The following THEMIS variants were observed in gnomAD, a reference collection of about 807,000 sequenced individuals.
THEMIS encodes thymocyte selection associated.
Under a neutral mutation model 52.6 loss-of-function variants are expected in THEMIS, and 37 were observed. That is an observed-to-expected ratio of 0.70 (90% confidence interval 0.54 to 0.93). The LOEUF is 0.93. THEMIS is among the 40% of genes least tolerant of loss of function. THEMIS has a pLI of 0.00. For synonymous variants in THEMIS, 292 were observed against 272.7 expected (o/e 1.07, Z -0.70); for missense variants, 808 against 763.1 (o/e 1.06, Z -0.69).
chr6:127,772,689 C>T (rs1299028028), intron 4 of THEMIS, among the ~76,000 whole-genome samples: 1 of 152,102 alleles, frequency 6.6e-6, no homozygotes, highest in Non-Finnish European at 1.5e-5. Context: ...ATTTAGTAGG[C>T]ATGCTTGCCA....
At chr6:127,697,827 G>A in the THEMIS span, among the ~76,000 whole-genome samples, 1 of 151,836 alleles carries the variant, frequency 6.6e-6, no homozygotes, top group East Asian at 1.9e-4. Context: ...CTGTATTAAT[G>A]TTTCTCCTTA....
intron 1 of THEMIS, among the ~76,000 whole-genome samples, chr6:127,861,416 A>G (rs927780732): frequency 1.3e-5 from 2 of 152,158 alleles, no homozygotes; most frequent in Non-Finnish European, 2.9e-5. Flanking sequence ...TCATGTTATT[A>G]TCTATTTCCC....
chr6:127,752,148 G>A (rs1226138033), intron 4 of THEMIS, among the ~76,000 whole-genome samples: 1 of 151,526 alleles, frequency 6.6e-6, no homozygotes, highest in Admixed American at 6.6e-5. Flanking sequence ...CAAACTTATA[G>A]GATGCAGCAA....
intron 3 of THEMIS, among the ~76,000 whole-genome samples, chr6:127,821,779 G>T (rs961912292): frequency 6.6e-6 from 1 of 151,958 alleles, no homozygotes; most frequent in Admixed American, 6.6e-5. Context: ...TTGGTGATGG[G>T]CAACATATGT....
chr6:127,818,221 A>T (rs922700203), intron 3 of THEMIS, among the ~76,000 whole-genome samples: 3 of 152,182 alleles, frequency 2.0e-5, no homozygotes, highest in Non-Finnish European at 2.9e-5. Context: ...GGGACAAAAA[A>T]GCTGAGAAAC....
At chr6:127,735,236 G>A (rs1051352981) in intron 4 of THEMIS, among the ~76,000 whole-genome samples, 1 of 151,846 alleles carries the variant, frequency 6.6e-6, no homozygotes. Flanking sequence ...AAATGAATGC[G>A]GGGCGTCTAA....
At chr6:127,820,002 G>A (rs1332281226) in intron 3 of THEMIS, among the ~76,000 whole-genome samples, 2 of 152,098 alleles carry the variant, frequency 1.3e-5, no homozygotes, top group African/African-American at 2.4e-5. Context: ...TGACAGTACT[G>A]TTTTAAGAGA....
chr6:127,722,674 G>C (rs1774401813), intron 4 of THEMIS, among the ~76,000 whole-genome samples: 1 of 152,006 alleles, frequency 6.6e-6, no homozygotes, highest in East Asian at 1.9e-4. Context: ...TTAAGTTGGA[G>C]GATCCCCTTC....
intron 3 of THEMIS, among the ~76,000 whole-genome samples, chr6:127,819,329 C>A (rs2114628296): frequency 6.6e-6 from 1 of 151,744 alleles, no homozygotes; most frequent in East Asian, 1.9e-4. Flanking sequence ...AAATGTAAGA[C>A]AACTGCAAAA....
At chr6:127,774,606 T>C (rs889138571) in intron 4 of THEMIS, among the ~76,000 whole-genome samples, 1 of 152,196 alleles carries the variant, frequency 6.6e-6, no homozygotes, top group Non-Finnish European at 1.5e-5. Context: ...AGCACATATG[T>C]ACTATGGTAG....
intron 4 of THEMIS, among the ~76,000 whole-genome samples, chr6:127,743,327 C>T (rs1266201135): frequency 6.6e-6 from 1 of 152,130 alleles, no homozygotes; most frequent in African/African-American, 2.4e-5. Flanking sequence ...TGCCATCACC[C>T]TCAATTTTTC....
At chr6:127,720,123 A>C (rs116557548) in intron 4 of THEMIS, among the ~76,000 whole-genome samples, 2,795 of 151,950 alleles carry the variant, frequency 0.018, 89 homozygotes, top group African/African-American at 0.063. Flanking sequence ...TCATTTAGAA[A>C]ATTTTTACTT....
intron 2 of THEMIS, among the ~76,000 whole-genome samples, chr6:127,834,455 G>C (rs865914444): frequency 6.6e-6 from 1 of 150,724 alleles, no homozygotes; most frequent in Non-Finnish European, 1.5e-5. Context: ...GTGGTGGTGC[G>C]TGCCTGTAGT....
Position 127,854,944 on chromosome 6 carries a change from AT to A in THEMIS, c.250+85del, listed in dbSNP as rs149808791. On this transcript the variant is annotated intron_variant, in intron 2 of 5. Transcript: ENST00000368248. ...ATTATCCTAGAGTGAAAAACAGACCATTTTTTTCTTGTTTTTGGTTGTGTAT... is the reference window on the plus strand; with the variant it reads ...ATTATCCTAGAGTGAAAAACAGACCATTTTTTCTTGTTTTTGGTTGTGTAT... 4.0e-3 allele frequency: 4,845 copies of A among 1,223,696 alleles called. 165 individuals are homozygous for A. In the African/African-American group the frequency reaches 0.067, roughly 17 times the overall value. The allele number at this position is 1,223,696 out of a possible 1,614,324, so 75.8% of individuals were successfully genotyped here. A position where few individuals can be genotyped will look rare whatever the true frequency, so the allele number is the denominator to read the frequency against.
chr6:127,732,422 GA>G (rs2114529885), intron 4 of THEMIS, among the ~76,000 whole-genome samples: 1 of 152,100 alleles, frequency 6.6e-6, no homozygotes, highest in Admixed American at 6.5e-5. Flanking sequence ...ATACTTTCAT[GA>G]AATGCACAAA....
At chr6:127,779,392 ACAT>A in intron 4 of THEMIS, among the ~76,000 whole-genome samples, 1 of 152,176 alleles carries the variant, frequency 6.6e-6, no homozygotes, top group Admixed American at 6.5e-5. Flanking sequence ...AGAGACAGAG[ACAT>A]ACAAGTAGGT....
intron 1 of THEMIS, among the ~76,000 whole-genome samples, chr6:127,884,275 A>G (rs1402773325): frequency 2.0e-5 from 3 of 152,154 alleles, no homozygotes; most frequent in African/African-American, 7.2e-5. Flanking sequence ...ACAATAGGAC[A>G]ATCCTTAAAA....
At chr6:127,802,538 TCA>T (rs1777570828) in intron 4 of THEMIS, among the ~76,000 whole-genome samples, 1 of 151,802 alleles carries the variant, frequency 6.6e-6, no homozygotes, top group Non-Finnish European at 1.5e-5. Context: ...GGCTAATTAA[TCA>T]CAGTGTTCCT....
At chr6:127,804,434 G>C (rs1777633882) in intron 4 of THEMIS, among the ~76,000 whole-genome samples, 1 of 152,214 alleles carries the variant, frequency 6.6e-6, no homozygotes, top group Middle Eastern at 3.4e-3. Context: ...GATGATCACA[G>C]CATCCATCTC....
Sources: gnomAD v4.1 joint callset for allele counts (sites outside exome capture counted in the v4.1 genomes callset) on GRCh38, gnomAD v4.1.1 for gene constraint, MANE v1.5 for transcripts, NCBI Gene and HGNC (gene_info 2026-07-23, HGNC 2026-07-21) for gene names.